THADA: variants seen among roughly 807,000 people sequenced by gnomAD.
THADA encodes the protein THADA armadillo repeat containing.
In THADA, 213 loss-of-function variants were observed where a neutral mutation model predicts 219.8. The observed-to-expected ratio is 0.97, with a 90% CI of 0.87 to 1.09. The LOEUF (loss-of-function observed/expected upper bound fraction) is 1.09. Among genes scored for constraint, THADA ranks in the 50% least tolerant of loss-of-function variants. THADA has a pLI of 0.00. For synonymous variants in THADA, 1,018 were observed against 828.9 expected, an observed-to-expected ratio of 1.23 and a Z score of -3.92; for missense variants, 2,956 against 2,311.3, an observed-to-expected ratio of 1.28 and a Z score of -5.72.
At chr2:43,413,885 TG>T (rs2104767883) in intron 28 of THADA, among the ~76,000 whole-genome samples, 1 of 152,360 alleles carries the variant, frequency 6.6e-6, no homozygotes, top group Admixed American at 6.5e-5. Context: ...ATTGTACAGT[TG>T]GCCCTCAGAA....
chr2:43,583,545 T>A (rs528477998), intron 7 of THADA, among the ~76,000 whole-genome samples: 2 of 152,352 alleles, frequency 1.3e-5, no homozygotes, highest in South Asian at 4.1e-4. Flanking sequence ...AATTATCTTA[T>A]GATTCCACTC....
chr2:43,321,346 T>C (rs1678690766), intron 30 of THADA, among the ~76,000 whole-genome samples: 1 of 152,214 alleles, frequency 6.6e-6, no homozygotes, highest in Non-Finnish European at 1.5e-5. Flanking sequence ...CTCTGTGACC[T>C]GAATCAGATT....
At chr2:43,515,028 TAA>T (rs1491213830) in intron 22 of THADA, among the ~76,000 whole-genome samples, 6 of 40,724 alleles carry the variant, frequency 1.5e-4, no homozygotes, top group Admixed American at 4.5e-4. Context: ...ATTTTATATA[TAA>T]TATATATAAA....
intron 29 of THADA, among the ~76,000 whole-genome samples, chr2:43,380,733 T>C (rs1306953887): frequency 1.3e-5 from 2 of 152,128 alleles, no homozygotes; most frequent in African/African-American, 4.8e-5. Flanking sequence ...CCAGGTCTCC[T>C]TGGAGAAATG....
intron 14 of THADA, among the ~76,000 whole-genome samples, chr2:43,568,818 G>A (rs1351565881): frequency 6.6e-6 from 1 of 152,058 alleles, no homozygotes; most frequent in Non-Finnish European, 1.5e-5. Context: ...GGAGTGGGGG[G>A]AATCATTTGA....
intron 26 of THADA, among the ~76,000 whole-genome samples, chr2:43,468,542 T>G (rs1377635888): frequency 6.6e-6 from 1 of 152,172 alleles, no homozygotes; most frequent in East Asian, 1.9e-4. Context: ...TCCTCCTCAC[T>G]GCATTGCCCT....
At chr2:43,463,858 G>C (rs1012840130) in intron 26 of THADA, among the ~76,000 whole-genome samples, 1 of 152,126 alleles carries the variant, frequency 6.6e-6, no homozygotes, top group Non-Finnish European at 1.5e-5. Context: ...TTTCCTCTCA[G>C]TGCTCCAGAC....
At chr2:43,269,193 C>T (rs979946750) in intron 36 of THADA, among the ~76,000 whole-genome samples, 8 of 152,204 alleles carry the variant, frequency 5.3e-5, no homozygotes, top group Non-Finnish European at 7.3e-5. Context: ...ACCCTGCAGC[C>T]GCGTCAGCAC....
chr2:43,552,444 T>TTA, intron 17 of THADA, 105 bp from the exon 18 acceptor site: 1 of 1,212,388 alleles, frequency 8.2e-7, no homozygotes, highest in Non-Finnish European at 1.1e-6. Context: ...CAAATGAACT[T>TTA]TACACTAGAG....
intron 36 of THADA, among the ~76,000 whole-genome samples, chr2:43,274,993 CTTTTCTTTTTT>C (rs1672557498): frequency 2.5e-5 from 3 of 121,650 alleles, no homozygotes; most frequent in South Asian, 6.5e-4. Flanking sequence ...CTTTTCTTTT[CTTTTCTTTTTT>C]TTTTTTTTTT....
At chr2:43,459,182 C>T (rs1034690440) in intron 26 of THADA, among the ~76,000 whole-genome samples, 2 of 152,202 alleles carry the variant, frequency 1.3e-5, no homozygotes, top group African/African-American at 4.8e-5. Context: ...GTCCCCAGCT[C>T]ACTTCAGGCT....
chr2:43,494,169 G>A (rs1304450125), intron 25 of THADA, among the ~76,000 whole-genome samples: 1 of 152,184 alleles, frequency 6.6e-6, no homozygotes, highest in African/African-American at 2.4e-5. Flanking sequence ...CCCCAAGGAT[G>A]AACTTTGACC....
At chr2:43,441,030 G>C (rs7567685) in intron 26 of THADA, among the ~76,000 whole-genome samples, 16,909 of 152,218 alleles carry the variant, frequency 0.11, 1,076 homozygotes, top group African/African-American at 0.16. Flanking sequence ...AACGTTTTAA[G>C]TAATTGTTTT....
At chr2:43,481,699 G>A (rs1249596832) in intron 26 of THADA, among the ~76,000 whole-genome samples, 1 of 152,134 alleles carries the variant, frequency 6.6e-6, no homozygotes, top group East Asian at 1.9e-4. Context: ...TAAGATCCAA[G>A]TTTTATATTC....
At chr2:43,534,952 A>T (rs1417350188) in intron 21 of THADA, among the ~76,000 whole-genome samples, 1 of 151,882 alleles carries the variant, frequency 6.6e-6, no homozygotes, top group East Asian at 1.9e-4. Context: ...ACTAGTTTAC[A>T]CTCCCACCAA....
rs576485598 is a variant in THADA, at chr2:43,386,823, G to A, written c.4227+11148C>T. On this transcript the variant is annotated intron_variant, in intron 29 of 37. Transcript: ENST00000405975. ...GAGGCAGGAGAATTTGCTTGAACCC[G>A]GGAGGCAGAGGTTGCAGTGAGCCGA... Among the ~76,000 whole-genome samples the A allele has an allele frequency of 1.3e-4, 20 of 151,490 alleles. No homozygotes were observed. The South Asian group carries it at 1.7e-3, about 13-fold the overall frequency.
At chr2:43,448,415 T>A (rs1681854962) in intron 26 of THADA, among the ~76,000 whole-genome samples, 1 of 152,160 alleles carries the variant, frequency 6.6e-6, no homozygotes, top group Non-Finnish European at 1.5e-5. Context: ...TGTGCTTTGA[T>A]CAATGGTTGC....
At position 43,401,332 on chromosome 2, in the gene THADA, G is replaced by A. The variant is rs13387023; in HGVS notation, c.4059-3193C>T. Among the ~76,000 whole-genome samples the A allele has an allele frequency of 3.8e-3, 572 of 152,336 alleles. 6 individuals carry two copies. The highest frequency in any genetic ancestry group is 0.013 in the African/African-American group (548 of 41,582). Reference sequence around the variant, plus strand: ...CTCGCTCTGTCACCCAGGCTGGAGTGCAGTGGTGTGATCTCGGCTCACTGC... The same window carrying A: ...CTCGCTCTGTCACCCAGGCTGGAGTACAGTGGTGTGATCTCGGCTCACTGC... On this transcript the variant is annotated intron_variant, in intron 28 of 37. Transcript: ENST00000405975.
At chr2:43,418,407 C>CA (rs1433253258) in intron 28 of THADA, among the ~76,000 whole-genome samples, 1 of 152,174 alleles carries the variant, frequency 6.6e-6, no homozygotes, top group Non-Finnish European at 1.5e-5. Context: ...CAGTCACTGA[C>CA]AGCGGGAGGA....
Sources: gnomAD v4.1 joint callset for allele counts (sites outside exome capture counted in the v4.1 genomes callset) on GRCh38, gnomAD v4.1.1 for gene constraint, MANE v1.5 for transcripts, NCBI Gene and HGNC (gene_info 2026-07-23, HGNC 2026-07-21) for gene names.